ANKFY1: variants seen among roughly 807,000 people sequenced by gnomAD.
The protein encoded by ANKFY1 is ankyrin repeat and FYVE domain-containing protein 1.
Under a neutral mutation model 128.3 loss-of-function variants are expected in ANKFY1, and 47 were observed. That is an observed-to-expected ratio of 0.37 (90% CI 0.29 to 0.47). The LOEUF (loss-of-function observed/expected upper bound fraction) is 0.47. Ranked by LOEUF, ANKFY1 falls within the 20% of genes least tolerant of loss-of-function variation. The pLI is 1.00. For missense variants in ANKFY1, 1,222 were observed against 1,510.6 expected, an observed-to-expected ratio of 0.81 and a Z score of 3.17; for synonymous variants, 553 against 601.6, an observed-to-expected ratio of 0.92 and a Z score of 1.18.
chr17:4,220,730 G>A (rs75077421), intron 3 of ANKFY1, among the ~76,000 whole-genome samples: 2 of 152,206 alleles, frequency 1.3e-5, no homozygotes, highest in African/African-American at 2.4e-5. Flanking sequence ...GCAGCCAGTG[G>A]TATAAGGGTA....
At chr17:4,170,923 G>A (rs980481200) in intron 22 of ANKFY1, 62 bp from the exon 23 acceptor site, 14 of 1,609,060 alleles carry the variant, frequency 8.7e-6, no homozygotes, top group Admixed American at 3.3e-5. Flanking sequence ...AGCCACAGAC[G>A]GAGGGCGGAG....
Position 4,206,369 on chromosome 17 carries a change from T to C in ANKFY1, c.850A>G (p.Met284Val). The C allele has an allele frequency of 5.6e-6, 9 of 1,614,230 alleles. No homozygotes were observed. Among genetic ancestry groups the C allele is most frequent in the African/African-American group, 1.3e-5 (1 of 75,066 alleles). ...TLVSHKADVD[M>V]VDKSGWSLLH... is the part of the protein sequence containing the mutation. ...AAGCTCCAGCCACTCTTGTCCACCA[T>C]GTCCACATCAGCTTTGTGACTAACC... is the stretch of plus-strand genomic sequence containing the variant. Residue 284 changes from methionine to valine, a missense_variant, in exon 7 of 25, where the codon ATG (methionine) becomes GTG (valine). Transcript: ENST00000341657.
intron 1 of ANKFY1, among the ~76,000 whole-genome samples, chr17:4,260,991 G>A (rs1171255966): frequency 3.3e-5 from 5 of 152,092 alleles, no homozygotes. Context: ...AGCATAGCAG[G>A]CTCTGAGAAT....
chr17:4,243,873 T>C (rs1303928618), intron 1 of ANKFY1, among the ~76,000 whole-genome samples: 2 of 152,108 alleles, frequency 1.3e-5, no homozygotes, highest in Admixed American at 6.5e-5. Flanking sequence ...CGATGGTAAG[T>C]GCACTCTGAC....
chr17:4,166,865 C>CG lies in ANKFY1; in HGVS notation c.*913dup, dbSNP rs1227721060. 6.6e-6 allele frequency: 1 copy of CG among 152,418 alleles called. No homozygotes were observed. The highest frequency in any genetic ancestry group is 1.5e-5 in the Non-Finnish European group (1 of 68,050). 9.4% of individuals were successfully genotyped at this position (152,418 alleles called of 1,614,324 possible). A position where few individuals can be genotyped will look rare whatever the true frequency, so the allele number is the denominator to read the frequency against. ...TCTGTAGAGTTTTTCCTTGGAGATT[C>CG]GTGTGAGCTGAGGTCCAGTCAAAGC... is the stretch of plus-strand genomic sequence containing the variant. On this transcript the variant is annotated 3_prime_UTR_variant, in exon 25 of 25. Coordinates refer to ENST00000341657, the MANE Select transcript of ANKFY1 (RefSeq NM_001330063.2).
intron 1 of ANKFY1, among the ~76,000 whole-genome samples, chr17:4,245,715 C>T (rs1339839303): frequency 1.3e-5 from 2 of 149,320 alleles, no homozygotes; most frequent in Admixed American, 6.7e-5. Flanking sequence ...TGTACTCCAG[C>T]CTGGACAACA....
At chr17:4,256,385 A>G (rs111635231) in intron 1 of ANKFY1, among the ~76,000 whole-genome samples, 4,897 of 152,166 alleles carry the variant, frequency 0.032, 211 homozygotes, top group African/African-American at 0.1. Context: ...CTGAGATCGC[A>G]CCACTGCACT....
rs781734357 is a variant in ANKFY1 at position 4,206,454 on chromosome 17, G to A, written c.765C>T (p.Asn255=). The stretch of plus-strand genomic sequence containing the variant: ...GGGCTAGATCTAATGCCAGATCTCC[G>A]TTATGATCCGCTTCATTCAGCTTCC... ...LPGKLNEADH[N]GDLALDLALS... The change falls in exon 7 of 25, where the codon AAC becomes AAT. Residue 255 remains asparagine (N), a synonymous_variant. Transcript: ENST00000341657. The A allele has an allele frequency of 1.5e-5, 25 of 1,613,886 alleles. No homozygotes were observed. The highest frequency in any genetic ancestry group is 6.7e-5 in the East Asian group (3 of 44,894).
At position 4,209,971 on chromosome 17, in the gene ANKFY1, G is replaced by A. The variant is rs144322898; in HGVS notation, c.459-24C>T. On this transcript the variant is annotated intron_variant, in intron 4 of 24. Coordinates refer to ENST00000341657, the MANE Select transcript of ANKFY1 (RefSeq NM_001330063.2). The stretch of plus-strand genomic sequence containing the variant: ...ATCTGTAAGAGAGTATTCATCATGA[G>A]GAGTATTACTGGACAAATAATTCAC... 5,701 of 1,594,970 alleles carry A rather than the reference G, an allele frequency of 3.6e-3. 15 individuals carry two copies. The highest frequency in any genetic ancestry group is 4.4e-3 in the Non-Finnish European group (5,108 of 1,164,554).
At chr17:4,213,163 G>C (rs2060164376) in intron 4 of ANKFY1, among the ~76,000 whole-genome samples, 1 of 152,086 alleles carries the variant, frequency 6.6e-6, no homozygotes, top group East Asian at 1.9e-4. Context: ...AGTAAATGCA[G>C]GCACCTGCTT....
chr17:4,186,276 A>C (rs1194388480), intron 11 of ANKFY1: 1 of 152,544 alleles, frequency 6.6e-6, no homozygotes, highest in Non-Finnish European at 1.5e-5. Flanking sequence ...CATCAGAGTT[A>C]TACATCATCA....
At chr17:4,210,885 A>G (rs187249308) in intron 4 of ANKFY1, among the ~76,000 whole-genome samples, 321 of 151,566 alleles carry the variant, frequency 2.1e-3, no homozygotes, top group Middle Eastern at 0.017. Context: ...TACAAAAATT[A>G]GCCGGGCATG....
Position 4,167,862 on chromosome 17 carries a change from GAATCTCCTTGGTCGAGCATTTATGGCA to G in ANKFY1, c.3400_3426del (p.Cys1134_Ile1142del). On this transcript the variant is annotated inframe_deletion, in exon 25 of 25. Coordinates refer to ENST00000341657, the MANE Select transcript of ANKFY1 (RefSeq NM_001330063.2). This position sits in a 1 kb window ranked among gnomAD's most constrained non-coding sequence, Gnocchi z 4.1. ...TTGTTCAGATCAAACTTTATAATAG[GAATCTCCTTGGTCGAGCATTTATGGCA>G]AAGAAGACGTCCGCAGTGACGACTG... The G allele has an allele frequency of 6.2e-7, 1 of 1,613,988 alleles. No homozygotes were observed. The highest frequency in any genetic ancestry group is 8.5e-7 in the Non-Finnish European group (1 of 1,179,918).
chr17:4,181,413 AAGGCAAAC>A lies in ANKFY1; in HGVS notation c.2122-49_2122-42del. The A allele has an allele frequency of 2.1e-6, 3 of 1,452,918 alleles. No individual in the cohort carries two copies. The highest frequency in any genetic ancestry group is 2.9e-6 in the Non-Finnish European group (3 of 1,033,568). 90.0% of individuals were successfully genotyped at this position (1,452,918 alleles called of 1,614,324 possible). A position where few individuals can be genotyped will look rare whatever the true frequency, so the allele number is the denominator to read the frequency against. On this transcript the variant is annotated intron_variant, in intron 15 of 24. Coordinates refer to ENST00000341657, the MANE Select transcript of ANKFY1 (RefSeq NM_001330063.2). The surrounding 1 kb of genome is among the most constrained non-coding windows in gnomAD (Gnocchi z 4.9). ...GGTTATTCACAAACACTGCTGAGCA[AAGGCAAAC>A]AGTTTTATTACCAAGTCTGAGCTCT...
intron 4 of ANKFY1, among the ~76,000 whole-genome samples, chr17:4,210,620 A>G (rs1447191078): frequency 7.1e-6 from 1 of 140,068 alleles, no homozygotes; most frequent in Non-Finnish European, 1.5e-5. Flanking sequence ...AGGCAGGAGA[A>G]TCGCTTGAAC....
chr17:4,202,567 C>T (rs1471016570), intron 7 of ANKFY1, among the ~76,000 whole-genome samples: 1 of 124,588 alleles, frequency 8.0e-6, no homozygotes, highest in African/African-American at 3.1e-5. Flanking sequence ...CATGGTGGCG[C>T]GCGCCTGTAG....
rs2143004227 is a variant in ANKFY1 at position 4,181,981 on chromosome 17, T to G, written c.2121+200A>C. On this transcript the variant is annotated intron_variant, in intron 15 of 24. Transcript: ENST00000341657. The surrounding 1 kb of genome is among the most constrained non-coding windows in gnomAD (Gnocchi z 4.9). ...TCTTGCTTCTTGGTAGTTTTCTTGG[T>G]AAAGATGACCTAAAAACAAAAGGTC... Among the ~76,000 whole-genome samples the G allele has an allele frequency of 6.6e-6, 1 of 152,328 alleles. No individual in the cohort carries two copies. The highest frequency in any genetic ancestry group is 1.5e-5 in the Non-Finnish European group (1 of 68,022).
chr17:4,183,271 T>C, intron 14 of ANKFY1, 127 bp downstream of exon 14: 3 of 1,138,642 alleles, frequency 2.6e-6, no homozygotes, highest in Non-Finnish European at 3.8e-6. Flanking sequence ...TGTGTGTTTC[T>C]AGAGCTACTG....
chr17:4,216,919 C>T lies in ANKFY1; in HGVS notation c.458+64G>A, dbSNP rs559778615. The T allele has an allele frequency of 2.0e-5, 32 of 1,606,456 alleles. No homozygotes were observed. The African/African-American group carries it at 3.2e-4, about 16-fold the overall frequency. The stretch of plus-strand genomic sequence containing the variant: ...AGCAGAAGAAGCTGTTTTCCCAGAG[C>T]TCGGCATAATTAAAGCTCAGCCACC... On this transcript the variant is annotated intron_variant, in intron 4 of 24. Transcript: ENST00000341657.
Sources: gnomAD v4.1 joint callset for allele counts (sites outside exome capture counted in the v4.1 genomes callset) on GRCh38, gnomAD v4.1.1 for gene constraint, Gnocchi (gnomAD v3.1) non-coding constraint, MANE v1.5 for transcripts, NCBI Gene and HGNC (gene_info 2026-07-23, HGNC 2026-07-21) for gene names.